ST18: variants seen among roughly 807,000 people sequenced by gnomAD.
ST18 encodes ST18 C2H2C-type zinc finger transcription factor.
Under a neutral mutation model 110.0 loss-of-function variants are expected in ST18, and 50 were observed. That is an observed-to-expected ratio of 0.45 (90% CI 0.36 to 0.58). ST18 has a LOEUF of 0.58. Among genes scored for constraint, ST18 ranks in the 20% least tolerant of loss-of-function variants. The pLI is 0.00. For missense variants in ST18, 1,306 were observed against 1,280.1 expected, an observed-to-expected ratio of 1.02 and a Z score of -0.31; for synonymous variants, 461 against 452.4, an observed-to-expected ratio of 1.02 and a Z score of -0.24.
intron 2 of ST18, among the ~76,000 whole-genome samples, chr8:52,400,734 G>A (rs1256926447): frequency 6.6e-6 from 1 of 152,016 alleles, no homozygotes; most frequent in African/African-American, 2.4e-5. Context: ...CACAATTTAT[G>A]TTTTTGTTGT....
At chr8:52,137,096 A>G (rs1340540848) in intron 18 of ST18, among the ~76,000 whole-genome samples, 3 of 152,162 alleles carry the variant, frequency 2.0e-5, no homozygotes, top group Non-Finnish European at 4.4e-5. Flanking sequence ...GATTGAGGGT[A>G]TTACTTTTCC....
In ST18 at chr8:52,126,647, T is replaced by C. The variant is rs568440412; in HGVS notation, c.2667-507A>G. Among the ~76,000 whole-genome samples the C allele has an allele frequency of 2.6e-5, 4 of 152,352 alleles. No individual in the cohort carries two copies. In the East Asian group the frequency reaches 7.7e-4, roughly 29 times the overall value. Reference sequence around the variant, plus strand: ...AATAAAGCCCTACCCCACGCCCCCATGGCAAATTCAGTTTGGTTATGGGAA... The same window carrying C: ...AATAAAGCCCTACCCCACGCCCCCACGGCAAATTCAGTTTGGTTATGGGAA... On this transcript the variant is annotated intron_variant, in intron 22 of 25. Coordinates refer to ENST00000689386, the MANE Select transcript of ST18 (RefSeq NM_001352837.2).
intron 2 of ST18, among the ~76,000 whole-genome samples, chr8:52,253,366 G>T (rs1257022146): frequency 6.6e-6 from 1 of 151,916 alleles, no homozygotes; most frequent in Admixed American, 6.6e-5. Context: ...TTTTGTCCAA[G>T]GTTAGTATTT....
intron 4 of ST18, among the ~76,000 whole-genome samples, chr8:52,221,083 ATCTC>A (rs1274536283): frequency 1.7e-5 from 2 of 114,680 alleles, no homozygotes; most frequent in East Asian, 2.5e-4. Context: ...CAAACTACCT[ATCTC>A]TATCTATCTA....
chr8:52,312,925 G>C (rs2095948552), intron 2 of ST18, among the ~76,000 whole-genome samples: 1 of 152,188 alleles, frequency 6.6e-6, no homozygotes, highest in South Asian at 2.1e-4. Flanking sequence ...TAGAGCAAGG[G>C]CATGCTGTCC....
chr8:52,286,496 C>T (rs757189438), intron 2 of ST18, among the ~76,000 whole-genome samples: 21 of 152,098 alleles, frequency 1.4e-4, no homozygotes, highest in Non-Finnish European at 2.1e-4. Flanking sequence ...GTAATCTTCA[C>T]ATAAGTAAAA....
At chr8:52,246,768 G>A (rs913989654) in intron 2 of ST18, 17 of 152,196 alleles carry the variant, frequency 1.1e-4, no homozygotes, top group African/African-American at 4.1e-4. Flanking sequence ...CAAACTGCAA[G>A]TGAAAGTTAA....
intron 2 of ST18, among the ~76,000 whole-genome samples, chr8:52,340,413 C>A (rs1173480182): frequency 6.6e-6 from 1 of 152,236 alleles, no homozygotes; most frequent in African/African-American, 2.4e-5. Context: ...TTCTGCTCCT[C>A]CCCTACTGTG....
intron 14 of ST18, among the ~76,000 whole-genome samples, chr8:52,159,589 A>C (rs2060899720): frequency 6.6e-6 from 1 of 152,334 alleles, no homozygotes; most frequent in Middle Eastern, 3.4e-3. Context: ...TAGACATGGA[A>C]TTGTATTTTT....
intron 2 of ST18, among the ~76,000 whole-genome samples, chr8:52,233,169 T>C (rs963721730): frequency 2.6e-5 from 4 of 152,236 alleles, no homozygotes; most frequent in African/African-American, 9.6e-5. Flanking sequence ...ATTTAATTAA[T>C]TCATTAATTT....
intron 7 of ST18, among the ~76,000 whole-genome samples, chr8:52,213,639 G>A (rs2083032027): frequency 6.6e-6 from 1 of 152,128 alleles, no homozygotes; most frequent in South Asian, 2.1e-4. Flanking sequence ...TCAAGGGCCT[G>A]TTTATATTTC....
intron 2 of ST18, among the ~76,000 whole-genome samples, chr8:52,367,761 G>A (rs1828698060): frequency 6.6e-6 from 1 of 152,162 alleles, no homozygotes; most frequent in South Asian, 2.1e-4. Context: ...TAGGGAGTGG[G>A]GAGAATGATC....
chr8:52,282,955 G>A (rs908732631), intron 2 of ST18, among the ~76,000 whole-genome samples: 1 of 152,148 alleles, frequency 6.6e-6, no homozygotes, highest in Admixed American at 6.5e-5. Context: ...GAGGTACTCT[G>A]GCTACTGTGC....
At chr8:52,350,025 A>G (rs190225577) in intron 2 of ST18, among the ~76,000 whole-genome samples, 102 of 152,178 alleles carry the variant, frequency 6.7e-4, no homozygotes, top group African/African-American at 2.4e-3. Flanking sequence ...CTCCTGTTCC[A>G]CACCCCGCAG....
At chr8:52,393,755 C>T (rs1325035520) in intron 2 of ST18, 1 of 151,994 alleles carries the variant, frequency 6.6e-6, no homozygotes, top group Non-Finnish European at 1.5e-5. Context: ...TGGTGGCAGA[C>T]ACTTGTAATC....
chr8:52,356,943 A>T (rs1823003602), intron 2 of ST18, among the ~76,000 whole-genome samples: 1 of 152,154 alleles, frequency 6.6e-6, no homozygotes, highest in South Asian at 2.1e-4. Context: ...AGTTTGGAAG[A>T]TCAGGAAAAA....
intron 2 of ST18, among the ~76,000 whole-genome samples, chr8:52,287,454 G>C (rs1366684571): frequency 6.6e-6 from 1 of 152,154 alleles, no homozygotes; most frequent in African/African-American, 2.4e-5. Flanking sequence ...AGCTCCTTTA[G>C]AGCTAGAAAC....
intron 2 of ST18, among the ~76,000 whole-genome samples, chr8:52,271,414 C>T (rs1390276319): frequency 6.6e-6 from 1 of 152,118 alleles, no homozygotes; most frequent in East Asian, 1.9e-4. Context: ...GGCATTATTC[C>T]TTGCCATGTT....
intron 11 of ST18, among the ~76,000 whole-genome samples, chr8:52,165,550 G>C (rs73679144): frequency 0.013 from 1,924 of 152,332 alleles, 35 homozygotes; most frequent in African/African-American, 0.041. Context: ...GATGGATGGA[G>C]CATGCCGTTT....
Sources: allele counts gnomAD v4.1 joint callset (sites outside exome capture counted in the v4.1 genomes callset), GRCh38; gene constraint gnomAD v4.1.1; transcripts MANE v1.5; gene names NCBI Gene and HGNC (gene_info 2026-07-23, HGNC 2026-07-21).